The following SFTA2 variants were observed in gnomAD, a reference collection of about 807,000 sequenced individuals.
The protein encoded by SFTA2 is surfactant associated 2.
Under a neutral mutation model 6.0 loss-of-function variants are expected in SFTA2, and 3 were observed. The observed-to-expected ratio is 0.50, with a 90% CI of 0.23 to 1.28. SFTA2 has a LOEUF of 1.28. Among genes scored for constraint, SFTA2 ranks in the 50% most tolerant of loss-of-function variants. The pLI is 0.19. For synonymous variants in SFTA2, 40 were observed against 39.3 expected, an observed-to-expected ratio of 1.02 and a Z score of -0.07; for missense variants, 87 against 88.5, an observed-to-expected ratio of 0.98 and a Z score of 0.07.
intron 2 of SFTA2, 21 bp downstream of exon 2, chr6:30,931,685 CT>C: frequency 6.2e-7 from 1 of 1,612,810 alleles, no homozygotes; most frequent in Non-Finnish European, 8.5e-7. Context: ...ACAGCCCCAT[CT>C]TTCCCCTTCC....
Position 30,932,113 on chromosome 6 carries a change from C to T in SFTA2, c.-17G>A. 1 of 1,610,986 alleles carries T rather than the reference C, an allele frequency of 6.2e-7. No homozygotes were observed. The highest frequency in any genetic ancestry group is 1.1e-5 in the South Asian group (1 of 90,520). ...AGACCCCATAGTGGCCACTGCGCTC[C>T]TGGGATGGAGGAGACACTGAAGTCC... is the stretch of plus-strand genomic sequence containing the variant. On this transcript the variant is annotated 5_prime_UTR_variant, in exon 1 of 3. Coordinates refer to ENST00000359086, the MANE Select transcript of SFTA2 (RefSeq NM_205854.3). This position sits in a 1 kb window ranked among gnomAD's most constrained non-coding sequence, Gnocchi z 6.5.
Position 30,932,066 on chromosome 6 carries a change from AGAG to A in SFTA2, c.28_30del (p.Leu11del). ...CCATGTGAGCTGCCAAGGAGGGTCA[AGAG>A]GAGGACAAGGGGCAGCCCAGACCCC... On this transcript the variant is annotated inframe_deletion, in exon 1 of 3. Transcript: ENST00000359086. The surrounding 1 kb of genome is among the most constrained non-coding windows in gnomAD (Gnocchi z 6.5). 1.2e-6 allele frequency: 2 copies of A among 1,612,618 alleles called. No homozygotes were observed. Among genetic ancestry groups the A allele is most frequent in the Non-Finnish European group, 8.5e-7 (1 of 1,179,890 alleles).
Position 30,931,795 on chromosome 6 carries a change from C to T in SFTA2, c.62G>A (p.Gly21Glu), listed in dbSNP as rs1177226456. 1 of 1,612,950 alleles carries T rather than the reference C, an allele frequency of 6.2e-7. No individual in the cohort carries two copies. The highest frequency in any genetic ancestry group is 8.5e-7 in the Non-Finnish European group (1 of 1,180,032). ...CTTCAGTTGCAAAGTCATACCCGGCCCTGCGGATCCAGAAGTACAGCTTAG... is the reference window on the plus strand; with the variant it reads ...CTTCAGTTGCAAAGTCATACCCGGCTCTGCGGATCCAGAAGTACAGCTTAG... Reference protein sequence around the residue: ...LTLLGSSHGTGPGMTLQLKLK... With the variant: ...LTLLGSSHGTEPGMTLQLKLK... Residue 21 changes from glycine (G) to glutamate (E), a missense_variant and splice_region_variant, in exon 2 of 3, where the codon GGG (glycine) becomes GAG (glutamate). Coordinates refer to ENST00000359086, the MANE Select transcript of SFTA2 (RefSeq NM_205854.3).
chr6:30,931,473 A>G lies in SFTA2; in HGVS notation c.*15T>C, dbSNP rs770101677. 1.2e-5 allele frequency: 19 copies of G among 1,550,292 alleles called. No individual in the cohort carries two copies. In the South Asian group the frequency reaches 2.2e-4, roughly 18 times the overall value. ...CAAAAGCCCGGGCCAAGAAGGACAC[A>G]GGCTTCAATGGCTGTCATGTGTTGC... On this transcript the variant is annotated 3_prime_UTR_variant, in exon 3 of 3. Coordinates refer to ENST00000359086, the MANE Select transcript of SFTA2 (RefSeq NM_205854.3).
In SFTA2 at chr6:30,931,528, T is replaced by C; in HGVS notation, c.197A>G (p.His66Arg). 6.2e-7 allele frequency: 1 copy of C among 1,608,352 alleles called. No individual in the cohort carries two copies. Among genetic ancestry groups the C allele is most frequent in the South Asian group, 1.1e-5 (1 of 90,356 alleles). Reference sequence around the variant, plus strand: ...AACATGGTGTTGAGATCTTGCATGGTGGAGGGTGACGCTGGTCCCTGAAGG... The same window carrying C: ...AACATGGTGTTGAGATCTTGCATGGCGGAGGGTGACGCTGGTCCCTGAAGG... ...HLPSGTSVTL[H>R]HARSQHHVVC... is the part of the protein sequence containing the mutation. Residue 66 changes from histidine to arginine, a missense_variant, in exon 3 of 3, where the codon CAC becomes CGC. Physicochemically the swap from His to Arg is conservative, Grantham distance 29. Transcript: ENST00000359086.
chr6:30,932,086 C>T lies in SFTA2; in HGVS notation c.11G>A (p.Gly4Glu). The T allele has an allele frequency of 6.2e-7, 1 of 1,612,618 alleles. No homozygotes were observed. Among genetic ancestry groups the T allele is most frequent in the South Asian group, 1.1e-5 (1 of 90,916 alleles). Residue 4 changes from glycine (G) to glutamate (E), a missense_variant, in exon 1 of 3, where the codon GGG becomes GAG. Gly to Glu is a moderately conservative substitution (Grantham distance 98). Coordinates refer to ENST00000359086, the MANE Select transcript of SFTA2 (RefSeq NM_205854.3). The surrounding 1 kb of genome is among the most constrained non-coding windows in gnomAD (Gnocchi z 6.5). ...GGTCAAGAGGAGGACAAGGGGCAGC[C>T]CAGACCCCATAGTGGCCACTGCGCT... Reference protein sequence around the residue: MGSGLPLVLLLTLL... With the variant: MGSELPLVLLLTLL...
At position 30,931,426 on chromosome 6, in the gene SFTA2, C is replaced by T. The variant is rs1403419247; in HGVS notation, c.*62G>A. The T allele has an allele frequency of 2.7e-6, 4 of 1,476,802 alleles. No individual in the cohort carries two copies. The African/African-American group carries it at 5.6e-5, about 21-fold the overall frequency. 91.5% of individuals were successfully genotyped at this position (1,476,802 alleles called of 1,614,324 possible). On this transcript the variant is annotated 3_prime_UTR_variant, in exon 3 of 3. Transcript: ENST00000359086. ...GGCCTGCTGAAAGACAGGGTCGGGG[C>T]CTGCCTCCTGCATCCCCGGCCCAAA...
At position 30,931,776 on chromosome 6, in the gene SFTA2, T is replaced by C; in HGVS notation, c.81A>G (p.Gln27=). The change falls in exon 2 of 3, where the codon CAA becomes CAG. Residue 27 remains glutamine, a synonymous_variant. Transcript: ENST00000359086. ...SHGTGPGMTL[Q]LKLKESFLTN... ...TCAGAAAAGACTCCTTCAGCTTCAG[T>C]TGCAAAGTCATACCCGGCCCTGCGG... is the stretch of plus-strand genomic sequence containing the variant. 2 of 1,613,112 alleles carry C rather than the reference T, an allele frequency of 1.2e-6. No homozygotes were observed. Among genetic ancestry groups the C allele is most frequent in the African/African-American group, 2.7e-5 (2 of 75,042 alleles).
At chr6:30,931,628 C>T (rs1354832413) in intron 2 of SFTA2, 54 bp from the exon 3 acceptor site, 43 of 1,605,884 alleles carry the variant, frequency 2.7e-5, no homozygotes, top group East Asian at 4.5e-5. Context: ...ATTCCCACCA[C>T]GGAGACATCC....
In SFTA2 at chr6:30,931,546, C is replaced by G; in HGVS notation, c.179G>C (p.Gly60Ala). 1 of 1,609,804 alleles carries G rather than the reference C, an allele frequency of 6.2e-7. No individual in the cohort carries two copies. The highest frequency in any genetic ancestry group is 2.2e-5 in the East Asian group (1 of 44,820). The part of the protein sequence containing the change: ...KLCLLLHLPS[G>A]TSVTLHHARS... ...TGCATGGTGGAGGGTGACGCTGGTC[C>G]CTGAAGGGAGATGGAGGAGGAGGCA... is the stretch of plus-strand genomic sequence containing the variant. Residue 60 changes from glycine to alanine, a missense_variant, in exon 3 of 3, where the codon GGG becomes GCG. By Grantham distance (60) the Gly-to-Ala change is moderately conservative. Coordinates refer to ENST00000359086, the MANE Select transcript of SFTA2 (RefSeq NM_205854.3).
chr6:30,931,402 G>T lies in SFTA2; in HGVS notation c.*86C>A. 1.6e-6 allele frequency: 2 copies of T among 1,284,818 alleles called. No individual in the cohort carries two copies. The highest frequency in any genetic ancestry group is 2.1e-6 in the Non-Finnish European group (2 of 937,910). The allele number at this position is 1,284,818 out of a possible 1,614,324, so 79.6% of individuals were successfully genotyped here. A position where few individuals can be genotyped will look rare whatever the true frequency, so the allele number is the denominator to read the frequency against. On this transcript the variant is annotated 3_prime_UTR_variant, in exon 3 of 3. Transcript: ENST00000359086. ...TTTATTGCCGCTCAGGAGGGTGGGG[G>T]CCTGCTGAAAGACAGGGTCGGGGCC...
rs1036412666 is a variant in SFTA2 at position 30,931,540 on chromosome 6, C to G, written c.185G>C (p.Ser62Thr). ...CLLLHLPSGT[S>T]VTLHHARSQH... is the part of the protein sequence containing the mutation. ...AGATCTTGCATGGTGGAGGGTGACG[C>G]TGGTCCCTGAAGGGAGATGGAGGAG... is the stretch of plus-strand genomic sequence containing the variant. Residue 62 changes from serine (S) to threonine (T), a missense_variant, in exon 3 of 3, where the codon AGC becomes ACC. Coordinates refer to ENST00000359086, the MANE Select transcript of SFTA2 (RefSeq NM_205854.3). 1.9e-6 allele frequency: 3 copies of G among 1,609,694 alleles called. No individual in the cohort carries two copies. Among genetic ancestry groups the G allele is most frequent in the Non-Finnish European group, 2.5e-6 (3 of 1,178,176 alleles).
chr6:30,931,734 C>T lies in SFTA2; in HGVS notation c.123G>A (p.Glu41=). 1.2e-6 allele frequency: 2 copies of T among 1,613,154 alleles called. No homozygotes were observed. The highest frequency in any genetic ancestry group is 1.7e-6 in the Non-Finnish European group (2 of 1,180,048). The change falls in exon 2 of 3, where the codon GAG becomes GAA. Residue 41 remains glutamate, a synonymous_variant. Transcript: ENST00000359086. ...KESFLTNSSY[E]SSFLELLEKL... ...TTTCAAGCAATTCCAGGAAGCTGGA[C>T]TCATAGGAGGAATTTGTCAGAAAAG...
rs151113520 is a variant in SFTA2 at position 30,931,572 on chromosome 6, G to C, written c.153C>G (p.Leu51=). 4.7e-5 allele frequency: 75 copies of C among 1,609,872 alleles called. No homozygotes were observed. The African/African-American group carries it at 9.3e-4, about 20-fold the overall frequency. ...ESSFLELLEK[L]CLLLHLPSGT... is the part of the protein sequence containing the mutation. ...CTGAAGGGAGATGGAGGAGGAGGCA[G>C]AGCTGGGAACAAAGGGTTAAAGGGC... Residue 51 remains leucine, a splice_region_variant and synonymous_variant, in exon 3 of 3, where the codon CTC becomes CTG. Transcript: ENST00000359086.
At chr6:30,931,890 C>T in intron 1 of SFTA2, 95 bp from the exon 2 acceptor site, 1 of 1,550,388 alleles carries the variant, frequency 6.4e-7, no homozygotes, top group East Asian at 2.3e-5. Flanking sequence ...GGCACAGTTC[C>T]TCTTCCCCAG....
chr6:30,931,433 C>T lies in SFTA2; in HGVS notation c.*55G>A. 4.7e-6 allele frequency: 7 copies of T among 1,498,180 alleles called. No individual in the cohort carries two copies. The highest frequency in any genetic ancestry group is 2.2e-5 in the Admixed American group (1 of 45,710). 92.8% of individuals were successfully genotyped at this position (1,498,180 alleles called of 1,614,324 possible). ...TGAAAGACAGGGTCGGGGCCTGCCT[C>T]CTGCATCCCCGGCCCAAAAGCCCGG... On this transcript the variant is annotated 3_prime_UTR_variant, in exon 3 of 3. Coordinates refer to ENST00000359086, the MANE Select transcript of SFTA2 (RefSeq NM_205854.3).
chr6:30,931,914 G>A (rs946431070), intron 1 of SFTA2, 119 bp from the exon 2 acceptor site: 18 of 1,534,644 alleles, frequency 1.2e-5, no homozygotes, highest in Non-Finnish European at 1.4e-5. Flanking sequence ...TGCCCCTCCA[G>A]AGCCTCTTGG....
chr6:30,931,830 G>A, intron 1 of SFTA2, 35 bp from the exon 2 acceptor site: 1 of 1,608,652 alleles, frequency 6.2e-7, no homozygotes, highest in Non-Finnish European at 8.5e-7. Flanking sequence ...GGACCCAGCA[G>A]TCAGGGCTGA....
At position 30,931,422 on chromosome 6, in the gene SFTA2, G is replaced by C; in HGVS notation, c.*66C>G. 3 of 1,459,688 alleles carry C rather than the reference G, an allele frequency of 2.1e-6. No homozygotes were observed. The highest frequency in any genetic ancestry group is 2.8e-6 in the Non-Finnish European group (3 of 1,086,742). 90.4% of individuals were successfully genotyped at this position (1,459,688 alleles called of 1,614,324 possible). A position where few individuals can be genotyped will look rare whatever the true frequency, so the allele number is the denominator to read the frequency against. On this transcript the variant is annotated 3_prime_UTR_variant, in exon 3 of 3. Coordinates refer to ENST00000359086, the MANE Select transcript of SFTA2 (RefSeq NM_205854.3). ...TGGGGGCCTGCTGAAAGACAGGGTC[G>C]GGGCCTGCCTCCTGCATCCCCGGCC...
Sources: gnomAD v4.1 joint callset for allele counts on GRCh38, gnomAD v4.1.1 for gene constraint, Gnocchi (gnomAD v3.1) non-coding constraint, MANE v1.5 for transcripts, NCBI Gene and HGNC (gene_info 2026-07-23, HGNC 2026-07-21) for gene names.